SPCS3: variants seen among roughly 807,000 people sequenced by gnomAD.
SPCS3 encodes the protein signal peptidase complex subunit 3.
SPCS3 carries 9 observed loss-of-function variants against 17.2 expected under a neutral mutation model. The observed-to-expected ratio is 0.52, with a 90% CI of 0.31 to 0.91. SPCS3 has a LOEUF of 0.91. SPCS3 is among the 40% of genes least tolerant of loss of function. The probability of loss-of-function intolerance (pLI) is 0.04; values close to 1 mark genes in which losing one functional copy is unlikely to be tolerated. For missense variants in SPCS3, 139 were observed against 217.5 expected, an observed-to-expected ratio of 0.64 and a Z score of 2.27; for synonymous variants, 87 against 89.6, an observed-to-expected ratio of 0.97 and a Z score of 0.16.
rs1478053319 is a variant in SPCS3 at position 176,332,087 on chromosome 4, A to G, written c.*3757A>G. Reference sequence around the variant, plus strand: ...TTGTGGGGGTGGGATGGGGGAGGTTAGTTACACTTAAAATATCTTCTCCAG... The same window carrying G: ...TTGTGGGGGTGGGATGGGGGAGGTTGGTTACACTTAAAATATCTTCTCCAG... On this transcript the variant is annotated 3_prime_UTR_variant, in exon 5 of 5. Transcript: ENST00000503362. 1.3e-5 allele frequency: 2 copies of G among 152,242 alleles called. No homozygotes were observed. The highest frequency in any genetic ancestry group is 2.9e-5 in the Non-Finnish European group (2 of 68,112). The allele number at this position is 152,242 out of a possible 1,614,324, so 9.4% of individuals were successfully genotyped here.
At position 176,329,166 on chromosome 4, in the gene SPCS3, G is replaced by A. The variant is rs1214332507; in HGVS notation, c.*836G>A. On this transcript the variant is annotated 3_prime_UTR_variant, in exon 5 of 5. Coordinates refer to ENST00000503362, the MANE Select transcript of SPCS3 (RefSeq NM_021928.4). ...CTAAGTGAATTATTTACTACTTTTTGTAGGTCTATATTTTAATAATTATTG... is the reference window on the plus strand; with the variant it reads ...CTAAGTGAATTATTTACTACTTTTTATAGGTCTATATTTTAATAATTATTG... 6.6e-6 allele frequency: 1 copy of A among 151,856 alleles called. No individual in the cohort carries two copies. Among genetic ancestry groups the A allele is most frequent in the Non-Finnish European group, 1.5e-5 (1 of 67,932 alleles). The allele number at this position is 151,856 out of a possible 1,614,324, so 9.4% of individuals were successfully genotyped here. A position where few individuals can be genotyped will look rare whatever the true frequency, so the allele number is the denominator to read the frequency against.
Position 176,331,172 on chromosome 4 carries a change from T to G in SPCS3, c.*2842T>G, listed in dbSNP as rs1431758299. On this transcript the variant is annotated 3_prime_UTR_variant, in exon 5 of 5. Coordinates refer to ENST00000503362, the MANE Select transcript of SPCS3 (RefSeq NM_021928.4). ...TAGAGATGAAAAGCTGGGCTTTTTC[T>G]CTAAGATGATAATCTTAAAGCCCAG... The G allele has an allele frequency of 6.6e-6, 1 of 152,152 alleles. No homozygotes were observed. Among genetic ancestry groups the G allele is most frequent in the Non-Finnish European group, 1.5e-5 (1 of 68,028 alleles). The allele number at this position is 152,152 out of a possible 1,614,324, so 9.4% of individuals were successfully genotyped here.
At position 176,320,169 on chromosome 4, in the gene SPCS3, CT is replaced by C; in HGVS notation, c.95del (p.Phe32SerfsTer17). 1 of 1,583,482 alleles carries C rather than the reference CT, an allele frequency of 6.3e-7. No homozygotes were observed. Among genetic ancestry groups the C allele is most frequent in the South Asian group, 1.1e-5 (1 of 88,138 alleles). ...CCTTCGGCTGCTTCATCACCACCGC[CT>C]TCAAAGACAGGAGCGTCCCGGTGCG... Reference protein sequence around the residue: ...LTFGCFITTAFKDRSVPVRLH... With the variant: ...LTFGCFITTAXKDRSVPVRLH... On this transcript the variant is annotated frameshift_variant, in exon 1 of 5. Coordinates refer to ENST00000503362, the MANE Select transcript of SPCS3 (RefSeq NM_021928.4). LOFTEE classifies it high-confidence loss of function.
rs533290355 is a variant in SPCS3, at chr4:176,319,993, G to A, written c.-84G>A. 8.0e-6 allele frequency: 11 copies of A among 1,381,870 alleles called. No individual in the cohort carries two copies. The highest frequency in any genetic ancestry group is 1.0e-5 in the Non-Finnish European group (11 of 1,056,138). The allele number at this position is 1,381,870 out of a possible 1,614,324, so 85.6% of individuals were successfully genotyped here. ...TCCCGGAACGCGCGCACCGCAGACG[G>A]CGCGGATCGCAGGGAGCCGGTCCGC... On this transcript the variant is annotated 5_prime_UTR_variant, in exon 1 of 5. Coordinates refer to ENST00000503362, the MANE Select transcript of SPCS3 (RefSeq NM_021928.4).
intron 3 of SPCS3, among the ~76,000 whole-genome samples, chr4:176,326,746 G>T (rs1413735554): frequency 6.6e-6 from 1 of 152,108 alleles, no homozygotes; most frequent in Non-Finnish European, 1.5e-5. Flanking sequence ...CTGTTTTCCT[G>T]GCACCATTTA....
chr4:176,325,423 T>C (rs752107400), intron 3 of SPCS3, among the ~76,000 whole-genome samples: 29 of 152,110 alleles, frequency 1.9e-4, no homozygotes, highest in Admixed American at 1.3e-4. Flanking sequence ...GGTGACCTAC[T>C]TGAATCAACA....
intron 2 of SPCS3, 48 bp downstream of exon 2, chr4:176,322,291 G>T: frequency 7.9e-7 from 1 of 1,261,418 alleles, no homozygotes; most frequent in South Asian, 1.2e-5. Context: ...GTTTTATAAT[G>T]AGATATGTGT....
rs557614198 is a variant in SPCS3, at chr4:176,330,397, C to T, written c.*2067C>T. 6.6e-5 allele frequency: 10 copies of T among 152,298 alleles called. No homozygotes were observed. The South Asian group carries it at 1.9e-3, about 28-fold the overall frequency. The allele number at this position is 152,298 out of a possible 1,614,324, so 9.4% of individuals were successfully genotyped here. ...GGTACCAGTTTAACAGTTCATGATA[C>T]TTCTGTGATGAGTGGATCTGTTAGT... is the stretch of plus-strand genomic sequence containing the variant. On this transcript the variant is annotated 3_prime_UTR_variant, in exon 5 of 5. Transcript: ENST00000503362.
At position 176,328,128 on chromosome 4, in the gene SPCS3, T is replaced by C. The variant is rs151307272; in HGVS notation, c.411-70T>C. The C allele has an allele frequency of 9.6e-4, 1,354 of 1,408,562 alleles. 7 individuals carry two copies. In the African/African-American group the frequency reaches 0.018, roughly 18 times the overall value. The allele number at this position is 1,408,562 out of a possible 1,614,324, so 87.3% of individuals were successfully genotyped here. On this transcript the variant is annotated intron_variant, in intron 4 of 4. Transcript: ENST00000503362. ...ATAAATAAAGTATTTGACATCTCAG[T>C]GTTTGTCTTAAAATTTTTTTTGAAC...
intron 3 of SPCS3, among the ~76,000 whole-genome samples, chr4:176,324,571 C>T (rs9995850): frequency 0.045 from 6,884 of 152,262 alleles, 496 homozygotes; most frequent in African/African-American, 0.16. Context: ...GGGCACATGC[C>T]TTCTACAATA....
At chr4:176,325,181 G>A (rs1731589726) in intron 3 of SPCS3, among the ~76,000 whole-genome samples, 1 of 151,116 alleles carries the variant, frequency 6.6e-6, no homozygotes, top group Non-Finnish European at 1.5e-5. Context: ...TCAGCCTCCT[G>A]AGTAGCTGGG....
chr4:176,321,488 G>T (rs1420992087), intron 1 of SPCS3: 1 of 152,176 alleles, frequency 6.6e-6, no homozygotes, highest in East Asian at 1.9e-4. Flanking sequence ...CCCTTAATGG[G>T]GTAGGTATAC....
Position 176,324,228 on chromosome 4 carries a change from T to G in SPCS3, c.265T>G (p.Leu89Val), listed in dbSNP as rs1363273877. 3 of 1,172,318 alleles carry G rather than the reference T, an allele frequency of 2.6e-6. No individual in the cohort carries two copies. In the South Asian group the frequency reaches 4.5e-5, roughly 18 times the overall value. The allele number at this position is 1,172,318 out of a possible 1,614,324, so 72.6% of individuals were successfully genotyped here. A position where few individuals can be genotyped will look rare whatever the true frequency, so the allele number is the denominator to read the frequency against. The change falls in exon 3 of 5, where the codon TTA becomes GTA. Residue 89 changes from leucine (L) to valine (V), a missense_variant. By Grantham distance (32) the Leu-to-Val change is conservative. Transcript: ENST00000503362. ...GAATGTTAAGCAGTTGTTTCTTTATTTATCAGCAGAATATTCAACAAAAAA... is the reference window on the plus strand; with the variant it reads ...GAATGTTAAGCAGTTGTTTCTTTATGTATCAGCAGAATATTCAACAAAAAA... Reference protein sequence around the residue: ...DWNVKQLFLYLSAEYSTKNNA... With the variant: ...DWNVKQLFLYVSAEYSTKNNA...
Position 176,320,186 on chromosome 4 carries a change from TC to T in SPCS3, c.113del (p.Pro38ArgfsTer11). The T allele has an allele frequency of 6.3e-7, 1 of 1,577,252 alleles. No homozygotes were observed. Among genetic ancestry groups the T allele is most frequent in the East Asian group, 2.5e-5 (1 of 39,870 alleles). On this transcript the variant is annotated frameshift_variant, in exon 1 of 5. Coordinates refer to ENST00000503362, the MANE Select transcript of SPCS3 (RefSeq NM_021928.4). LOFTEE classifies it high-confidence loss of function. ...ACCACCGCCTTCAAAGACAGGAGCG[TC>T]CCGGTGCGGCTGCACGTCTCGCGGA... is the stretch of plus-strand genomic sequence containing the variant. ...FITTAFKDRS[V>X]PVRLHVSRIM...
chr4:176,328,439 T>TG lies in SPCS3; in HGVS notation c.*109_*110insG. The TG allele has an allele frequency of 8.3e-6, 3 of 362,472 alleles. No homozygotes were observed. Among genetic ancestry groups the TG allele is most frequent in the Non-Finnish European group, 1.2e-5 (3 of 254,900 alleles). The allele number at this position is 362,472 out of a possible 1,614,324, so 22.5% of individuals were successfully genotyped here. A position where few individuals can be genotyped will look rare whatever the true frequency, so the allele number is the denominator to read the frequency against. ...TTGGTTTGTTTTTTGGTTTTGGGTT[T>TG]TTTTTTTTTTTTTTTTGGTATAAGA... On this transcript the variant is annotated 3_prime_UTR_variant, in exon 5 of 5. Transcript: ENST00000503362.
intron 3 of SPCS3, among the ~76,000 whole-genome samples, chr4:176,326,162 G>T (rs145313135): frequency 2.0e-5 from 3 of 151,510 alleles, no homozygotes; most frequent in African/African-American, 7.3e-5. Flanking sequence ...TTAGCCAGGC[G>T]TAGTGGTGCG....
At chr4:176,327,137 C>G in intron 3 of SPCS3, 25 bp from the exon 4 acceptor site, 1 of 1,335,668 alleles carries the variant, frequency 7.5e-7, no homozygotes, top group Non-Finnish European at 1.0e-6. Context: ...GATGAGTTAT[C>G]TAATTAATTT....
In SPCS3 at chr4:176,328,405, C is replaced by T. The variant is rs112954848; in HGVS notation, c.*75C>T. On this transcript the variant is annotated 3_prime_UTR_variant, in exon 5 of 5. Transcript: ENST00000503362. ...TCATTAATCTCTTCCCTTACATCTT[C>T]ATGTATTGTTGGTTTGTTTTTTGGT... 679 of 1,035,410 alleles carry T rather than the reference C, an allele frequency of 6.6e-4. 3 individuals are homozygous for T. In the African/African-American group the frequency reaches 9.4e-3, roughly 14 times the overall value. 64.1% of individuals were successfully genotyped at this position (1,035,410 alleles called of 1,614,324 possible).
chr4:176,327,141 T>A (rs879144616), intron 3 of SPCS3, 21 bp from the exon 4 acceptor site: 1 of 1,399,990 alleles, frequency 7.1e-7, no homozygotes, highest in South Asian at 1.3e-5. Context: ...AGTTATCTAA[T>A]TAATTTTCAT....
Sources: gnomAD v4.1 joint callset for allele counts (sites outside exome capture counted in the v4.1 genomes callset) on GRCh38, gnomAD v4.1.1 for gene constraint, MANE v1.5 for transcripts, NCBI Gene and HGNC (gene_info 2026-07-23, HGNC 2026-07-21) for gene names.